Variants in PCBP4 observed in about 807,000 individuals in gnomAD.
The protein encoded by PCBP4 is poly(rC) binding protein 4, also known as poly(rC)-binding protein 4.
Under a neutral mutation model 46.2 loss-of-function variants are expected in PCBP4, and 24 were observed. The observed-to-expected ratio is 0.52, with a 90% CI of 0.38 to 0.73. The LOEUF is 0.73. PCBP4 is among the 30% of genes least tolerant of loss of function. PCBP4 has a pLI of 0.00. For missense variants in PCBP4, 407 were observed against 537.0 expected (o/e 0.76, Z 2.39); for synonymous variants, 203 against 224.4 (o/e 0.90, Z 0.85).
In PCBP4 at chr3:51,961,211, C is replaced by T. The variant is rs1700159048; in HGVS notation, c.30G>A (p.Glu10=). The change falls in exon 3 of 14, where the codon GAG becomes GAA. Residue 10 remains glutamate (E), a synonymous_variant. Transcript: ENST00000461554. The part of the protein sequence containing the change: MSGSDGGLE[E]EPELSITLTL... Reference sequence around the variant, plus strand: ...TGAGGGTGATGCTGAGCTCTGGCTCCTCCTCCAGTCCCCCGTCCGAGCCGC... The same window carrying T: ...TGAGGGTGATGCTGAGCTCTGGCTCTTCCTCCAGTCCCCCGTCCGAGCCGC... 1.2e-6 allele frequency: 2 copies of T among 1,613,022 alleles called. No individual in the cohort carries two copies. The highest frequency in any genetic ancestry group is 2.2e-5 in the South Asian group (2 of 91,080).
rs750417773 is a variant in PCBP4, at chr3:51,960,978, G to A, written c.105+32C>T. On this transcript the variant is annotated intron_variant, in intron 4 of 13. Coordinates refer to ENST00000461554, the MANE Select transcript of PCBP4 (RefSeq NM_001174100.2). This position sits in a 1 kb window ranked among gnomAD's most constrained non-coding sequence, Gnocchi z 5.0. Reference sequence around the variant, plus strand: ...TCCCTGGGCTGAAGCCTCAGCTGGAGGGGGATGTACAGAGCAGAGCTAGGC... The same window carrying A: ...TCCCTGGGCTGAAGCCTCAGCTGGAAGGGGATGTACAGAGCAGAGCTAGGC... 5 of 1,614,152 alleles carry A rather than the reference G, an allele frequency of 3.1e-6. No individual in the cohort carries two copies. Among genetic ancestry groups the A allele is most frequent in the Non-Finnish European group, 4.2e-6 (5 of 1,179,958 alleles).
intron 1 of PCBP4, among the ~76,000 whole-genome samples, chr3:51,964,170 T>C (rs541732763): frequency 4.7e-4 from 72 of 152,302 alleles, no homozygotes; most frequent in African/African-American, 1.5e-3. Context: ...CTCCTGTCCC[T>C]GGCTTTCTGC....
At chr3:51,964,793 C>A (rs1277184545) in intron 1 of PCBP4, among the ~76,000 whole-genome samples, 1 of 152,238 alleles carries the variant, frequency 6.6e-6, no homozygotes, top group Non-Finnish European at 1.5e-5. Flanking sequence ...TGTGCCCAGC[C>A]TCTTGGCCTC....
Position 51,960,846 on chromosome 3 carries a change from C to G in PCBP4, c.138+20G>C. ...TCCACATCAGGTGCCCTGGGCTCCTCCCCCAAACTCCATCCTCACCTGCTC... is the reference window on the plus strand; with the variant it reads ...TCCACATCAGGTGCCCTGGGCTCCTGCCCCAAACTCCATCCTCACCTGCTC... On this transcript the variant is annotated intron_variant, in intron 5 of 13. Transcript: ENST00000461554. This position sits in a 1 kb window ranked among gnomAD's most constrained non-coding sequence, Gnocchi z 5.0. 3 of 1,613,544 alleles carry G rather than the reference C, an allele frequency of 1.9e-6. No homozygotes were observed. Among genetic ancestry groups the G allele is most frequent in the Non-Finnish European group, 1.7e-6 (2 of 1,179,444 alleles).
chr3:51,959,492 C>A lies in PCBP4; in HGVS notation c.592-81G>T. 6.6e-7 allele frequency: 1 copy of A among 1,522,966 alleles called. No individual in the cohort carries two copies. 94.3% of individuals were successfully genotyped at this position (1,522,966 alleles called of 1,614,324 possible). The stretch of plus-strand genomic sequence containing the variant: ...AGTCACTCCTTCCCCCGTCCCTGGA[C>A]CTCCAATTCCTTCTTCCATCCCCTC... On this transcript the variant is annotated intron_variant, in intron 9 of 13. Coordinates refer to ENST00000461554, the MANE Select transcript of PCBP4 (RefSeq NM_001174100.2). This position sits in a 1 kb window ranked among gnomAD's most constrained non-coding sequence, Gnocchi z 5.6.
chr3:51,960,397 C>T lies in PCBP4; in HGVS notation c.256-77G>A, dbSNP rs1700092226. On this transcript the variant is annotated intron_variant, in intron 6 of 13. Coordinates refer to ENST00000461554, the MANE Select transcript of PCBP4 (RefSeq NM_001174100.2). This position sits in a 1 kb window ranked among gnomAD's most constrained non-coding sequence, Gnocchi z 5.0. ...CAGGGGTCAGGAGGGTACCCTTTCCCCAGTCCCACTTCAAGGGAACACTGC... is the reference window on the plus strand; with the variant it reads ...CAGGGGTCAGGAGGGTACCCTTTCCTCAGTCCCACTTCAAGGGAACACTGC... 6.3e-7 allele frequency: 1 copy of T among 1,580,600 alleles called. No individual in the cohort carries two copies. Among genetic ancestry groups the T allele is most frequent in the Non-Finnish European group, 8.6e-7 (1 of 1,158,952 alleles).
In PCBP4 at chr3:51,964,033, C is replaced by T. The variant is rs116581556; in HGVS notation, c.-212-1945G>A. The stretch of plus-strand genomic sequence containing the variant: ...GCCACAGTGACCTCCAGCTCACCTC[C>T]GCGGGTGCCCAGCCCCCTCTGGTCA... On this transcript the variant is annotated intron_variant, in intron 1 of 13. Coordinates refer to ENST00000461554, the MANE Select transcript of PCBP4 (RefSeq NM_001174100.2). Among the ~76,000 whole-genome samples, 712 of 152,298 alleles carry T rather than the reference C, an allele frequency of 4.7e-3. 6 individuals are homozygous for T. The highest frequency in any genetic ancestry group is 0.015 in the African/African-American group (605 of 41,560).
chr3:51,959,476 T>C lies in PCBP4; in HGVS notation c.592-65A>G. ...ATTGCAGTTCAGCCAGAGTCACTCC[T>C]TCCCCCGTCCCTGGACCTCCAATTC... On this transcript the variant is annotated intron_variant, in intron 9 of 13. Transcript: ENST00000461554. This position sits in a 1 kb window ranked among gnomAD's most constrained non-coding sequence, Gnocchi z 5.6. 1 of 1,538,718 alleles carries C rather than the reference T, an allele frequency of 6.5e-7. No individual in the cohort carries two copies.
intron 1 of PCBP4, among the ~76,000 whole-genome samples, chr3:51,966,224 T>A (rs561951866): frequency 1.3e-5 from 2 of 152,152 alleles, no homozygotes. Flanking sequence ...AGCCTCCTCG[T>A]GGCCTGGGCC....
chr3:51,961,227 T>A lies in PCBP4; in HGVS notation c.14A>T (p.Asp5Val). 1 of 1,612,090 alleles carries A rather than the reference T, an allele frequency of 6.2e-7. No homozygotes were observed. Among genetic ancestry groups the A allele is most frequent in the Non-Finnish European group, 8.5e-7 (1 of 1,179,910 alleles). Residue 5 changes from aspartate to valine, a missense_variant, in exon 3 of 14, where the codon GAC (aspartate) becomes GTC (valine). Transcript: ENST00000461554. The stretch of plus-strand genomic sequence containing the variant: ...CTCTGGCTCCTCCTCCAGTCCCCCG[T>A]CCGAGCCGCTCATTCTGTCAGGCGA... MSGS[D>V]GGLEEEPELS...
chr3:51,964,356 G>A (rs2106767473), intron 1 of PCBP4, among the ~76,000 whole-genome samples: 1 of 152,334 alleles, frequency 6.6e-6, no homozygotes, highest in African/African-American at 2.4e-5. Flanking sequence ...CCTTTGTTCT[G>A]GAGCAAGAAC....
intron 1 of PCBP4, among the ~76,000 whole-genome samples, chr3:51,964,080 T>C (rs1353541987): frequency 6.6e-6 from 1 of 152,158 alleles, no homozygotes; most frequent in African/African-American, 2.4e-5. Context: ...TGGCAGGGCA[T>C]ACCAAGCTCA....
rs1321297523 is a variant in PCBP4, at chr3:51,959,601, A to G, written c.567T>C (p.Gly189=). 1.9e-6 allele frequency: 3 copies of G among 1,552,970 alleles called. No individual in the cohort carries two copies. The highest frequency in any genetic ancestry group is 1.7e-4 in the Middle Eastern group (1 of 5,988). The change falls in exon 9 of 14, where the codon GGT becomes GGC. Residue 189 remains glycine, a synonymous_variant. Coordinates refer to ENST00000461554, the MANE Select transcript of PCBP4 (RefSeq NM_001174100.2). The surrounding 1 kb of genome is among the most constrained non-coding windows in gnomAD (Gnocchi z 5.6). The part of the protein sequence containing the change: ...TIPYHPSLSL[G]TVLLSANQGF... ...CCTGGTTGGCAGAGAGAAGAACAGT[A>G]CCTAGGGAGAGGCTCGGATGGTAGG...
In PCBP4 at chr3:51,958,419, A is replaced by G. The variant is rs1699936254; in HGVS notation, c.924-70T>C. ...TGAGAGAGGGGCAATGAGGGCAGAG[A>G]TGGGCATGAGATTAGATGAAAGGCA... On this transcript the variant is annotated intron_variant, in intron 13 of 13. Transcript: ENST00000461554. This position sits in a 1 kb window ranked among gnomAD's most constrained non-coding sequence, Gnocchi z 5.4. 9.2e-7 allele frequency: 1 copy of G among 1,084,488 alleles called. No homozygotes were observed. Among genetic ancestry groups the G allele is most frequent in the Admixed American group, 3.2e-5 (1 of 31,292 alleles). 67.2% of individuals were successfully genotyped at this position (1,084,488 alleles called of 1,614,324 possible).
Position 51,958,483 on chromosome 3 carries a change from G to A in PCBP4, c.924-134C>T. ...GAACAGAGAACAATAAGGGGAAGAT[G>A]GGAAAGGTGGAAGAGGAAGGGAAGA... On this transcript the variant is annotated intron_variant, in intron 13 of 13. Coordinates refer to ENST00000461554, the MANE Select transcript of PCBP4 (RefSeq NM_001174100.2). The surrounding 1 kb of genome is among the most constrained non-coding windows in gnomAD (Gnocchi z 5.4). The A allele has an allele frequency of 1.5e-6, 1 of 676,266 alleles. No individual in the cohort carries two copies. The highest frequency in any genetic ancestry group is 2.4e-6 in the Non-Finnish European group (1 of 419,542). The allele number at this position is 676,266 out of a possible 1,614,324, so 41.9% of individuals were successfully genotyped here.
In PCBP4 at chr3:51,958,480, GAT is replaced by G. The variant is rs1395529870; in HGVS notation, c.924-133_924-132del. On this transcript the variant is annotated intron_variant, in intron 13 of 13. Transcript: ENST00000461554. The surrounding 1 kb of genome is among the most constrained non-coding windows in gnomAD (Gnocchi z 5.4). The stretch of plus-strand genomic sequence containing the variant: ...AGTGAACAGAGAACAATAAGGGGAA[GAT>G]GGGAAAGGTGGAAGAGGAAGGGAAG... 7 of 682,428 alleles carry G rather than the reference GAT, an allele frequency of 1.0e-5. No individual in the cohort carries two copies. Among genetic ancestry groups the G allele is most frequent in the South Asian group, 2.3e-5 (1 of 44,312 alleles). 42.3% of individuals were successfully genotyped at this position (682,428 alleles called of 1,614,324 possible). A position where few individuals can be genotyped will look rare whatever the true frequency, so the allele number is the denominator to read the frequency against.
chr3:51,958,353 G>A lies in PCBP4; in HGVS notation c.924-4C>T, dbSNP rs189685639. 9.9e-5 allele frequency: 148 copies of A among 1,489,266 alleles called. 1 individual carries two copies. The African/African-American group carries it at 1.9e-3, about 19-fold the overall frequency. The allele number at this position is 1,489,266 out of a possible 1,614,324, so 92.3% of individuals were successfully genotyped here. On this transcript the variant is annotated splice_polypyrimidine_tract_variant and splice_region_variant and intron_variant, in intron 13 of 13. Coordinates refer to ENST00000461554, the MANE Select transcript of PCBP4 (RefSeq NM_001174100.2). The surrounding 1 kb of genome is among the most constrained non-coding windows in gnomAD (Gnocchi z 5.4). ...GGTAGACTTGGCCGTCTCTAGACTG[G>A]AGAGAGGGATATAGAGGGGAGACAA...
rs1700071983 is a variant in PCBP4 at position 51,960,076 on chromosome 3, G to A, written c.388-53C>T. 3 of 1,614,062 alleles carry A rather than the reference G, an allele frequency of 1.9e-6. No individual in the cohort carries two copies. The highest frequency in any genetic ancestry group is 2.2e-5 in the East Asian group (1 of 44,898). Reference sequence around the variant, plus strand: ...TGGCTGCTCCCATAACCCAGAAAAGGGCTGCCCAGGCTCAGAGCTCTCTAG... The same window carrying A: ...TGGCTGCTCCCATAACCCAGAAAAGAGCTGCCCAGGCTCAGAGCTCTCTAG... On this transcript the variant is annotated intron_variant, in intron 7 of 13. Transcript: ENST00000461554. The surrounding 1 kb of genome is among the most constrained non-coding windows in gnomAD (Gnocchi z 5.0).
At position 51,958,935 on chromosome 3, in the gene PCBP4, G is replaced by T; in HGVS notation, c.778C>A (p.Gln260Lys). 6.2e-7 allele frequency: 1 copy of T among 1,613,936 alleles called. No homozygotes were observed. Among genetic ancestry groups the T allele is most frequent in the Non-Finnish European group, 8.5e-7 (1 of 1,179,936 alleles). ...CGGATCTCGCTGATCTTGCTGCCCT[G>T]GCGCCCGATCACACAGCCAATCAAC... The part of the protein sequence containing the change: ...NDLIGCVIGR[Q>K]GSKISEIRQM... Residue 260 changes from glutamine (Q) to lysine (K), a missense_variant, in exon 13 of 14, where the codon CAG becomes AAG. Physicochemically the swap from Gln to Lys is moderately conservative, Grantham distance 53. Coordinates refer to ENST00000461554, the MANE Select transcript of PCBP4 (RefSeq NM_001174100.2). This position sits in a 1 kb window ranked among gnomAD's most constrained non-coding sequence, Gnocchi z 5.4.
Sources: allele counts gnomAD v4.1 joint callset (sites outside exome capture counted in the v4.1 genomes callset), GRCh38; gene constraint gnomAD v4.1.1; non-coding constraint Gnocchi (gnomAD v3.1); transcripts MANE v1.5; gene names NCBI Gene and HGNC (gene_info 2026-07-23, HGNC 2026-07-21).